The following MAPKAP1 variants were observed in gnomAD, a reference collection of about 807,000 sequenced individuals.
The protein encoded by MAPKAP1 is MAPK associated protein 1.
MAPKAP1 carries 20 observed loss-of-function variants against 65.7 expected under a neutral mutation model. That is an observed-to-expected ratio of 0.30 (90% CI 0.21 to 0.44). MAPKAP1 has a LOEUF of 0.44. Among genes scored for constraint, MAPKAP1 ranks in the 20% least tolerant of loss-of-function variants. The pLI is 1.00. For synonymous variants in MAPKAP1, 222 were observed against 244.3 expected, an observed-to-expected ratio of 0.91 and a Z score of 0.85; for missense variants, 423 against 648.0, an observed-to-expected ratio of 0.65 and a Z score of 3.77.
intron 7 of MAPKAP1, among the ~76,000 whole-genome samples, chr9:125,515,165 T>C (rs1829424389): frequency 1.3e-5 from 2 of 152,100 alleles, no homozygotes; most frequent in Non-Finnish European, 2.9e-5. Flanking sequence ...AATACACCAT[T>C]TGCTCTCTGT....
intron 7 of MAPKAP1, among the ~76,000 whole-genome samples, chr9:125,528,107 A>G (rs1589259893): frequency 6.6e-6 from 1 of 152,194 alleles, no homozygotes; most frequent in South Asian, 2.1e-4. Context: ...CTACCTCTCC[A>G]AAAGGAGCTT....
At chr9:125,584,463 G>A (rs1831719112) in intron 5 of MAPKAP1, among the ~76,000 whole-genome samples, 2 of 152,106 alleles carry the variant, frequency 1.3e-5, no homozygotes, top group South Asian at 4.1e-4. Context: ...CTTTTGAGAT[G>A]GAGTCTTGCT....
intron 11 of MAPKAP1, among the ~76,000 whole-genome samples, chr9:125,443,672 G>A (rs1198939001): frequency 6.6e-6 from 1 of 151,336 alleles, no homozygotes; most frequent in African/African-American, 2.4e-5. Flanking sequence ...GGCCCTGCAC[G>A]GCCTAGCCCC....
At chr9:125,569,902 C>A (rs908338126) in intron 5 of MAPKAP1, among the ~76,000 whole-genome samples, 1 of 152,088 alleles carries the variant, frequency 6.6e-6, no homozygotes, top group Non-Finnish European at 1.5e-5. Context: ...AACTGTAATG[C>A]CTTTTGGTTC....
chr9:125,704,856 C>G (rs1375223508), intron 1 of MAPKAP1, among the ~76,000 whole-genome samples: 1 of 152,138 alleles, frequency 6.6e-6, no homozygotes, highest in Non-Finnish European at 1.5e-5. Context: ...GCCCTTTATC[C>G]CCATTAGTTC....
chr9:125,679,606 A>G (rs1834761582), intron 1 of MAPKAP1, among the ~76,000 whole-genome samples: 1 of 152,186 alleles, frequency 6.6e-6, no homozygotes, highest in Non-Finnish European at 1.5e-5. Flanking sequence ...ACGTCTAAGG[A>G]ATATTTTTTA....
At chr9:125,445,995 GTGTC>G (rs1349005410) in intron 10 of MAPKAP1, among the ~76,000 whole-genome samples, 1 of 152,118 alleles carries the variant, frequency 6.6e-6, no homozygotes, top group Non-Finnish European at 1.5e-5. Flanking sequence ...ACAGACCTTA[GTGTC>G]TGTAAGATTA....
intron 6 of MAPKAP1, 138 bp downstream of exon 6, chr9:125,559,495 C>A: frequency 1.3e-6 from 1 of 746,546 alleles, no homozygotes. Context: ...CTCAGCATCT[C>A]TCTGGGAGTC....
chr9:125,507,335 A>T (rs987758572), intron 7 of MAPKAP1, among the ~76,000 whole-genome samples: 2 of 152,262 alleles, frequency 1.3e-5, no homozygotes, highest in African/African-American at 4.8e-5. Flanking sequence ...TTAGAGGCAT[A>T]AGAAACTGTC....
chr9:125,510,694 G>C (rs2133093259), intron 7 of MAPKAP1, among the ~76,000 whole-genome samples: 1 of 152,310 alleles, frequency 6.6e-6, no homozygotes, highest in Non-Finnish European at 1.5e-5. Context: ...GTAACAACCT[G>C]GGGGAAGGCA....
chr9:125,596,316 C>T, intron 4 of MAPKAP1: 2 of 761,054 alleles, frequency 2.6e-6, no homozygotes, highest in East Asian at 4.9e-5. Flanking sequence ...CAACTTTGGT[C>T]ATGGAGGAAA....
intron 4 of MAPKAP1, among the ~76,000 whole-genome samples, chr9:125,652,895 C>T (rs1307872732): frequency 5.9e-5 from 9 of 152,176 alleles, no homozygotes; most frequent in Non-Finnish European, 1.2e-4. Flanking sequence ...TTCTTCTTTA[C>T]GACACTATTC....
chr9:125,605,660 G>C (rs1832420211), intron 4 of MAPKAP1, among the ~76,000 whole-genome samples: 1 of 152,198 alleles, frequency 6.6e-6, no homozygotes, highest in African/African-American at 2.4e-5. Context: ...CTGCCACCCA[G>C]AGGCAGAGGT....
intron 8 of MAPKAP1, among the ~76,000 whole-genome samples, chr9:125,502,902 C>T (rs1245420581): frequency 6.6e-6 from 1 of 151,870 alleles, no homozygotes; most frequent in Admixed American, 6.6e-5. Context: ...GATTGGAGAC[C>T]TGTATATTTT....
At position 125,693,604 on chromosome 9, in the gene MAPKAP1, TACACATATATAC is replaced by T. The variant is rs1477974331; in HGVS notation, c.-70+13355_-70+13366del. Among the ~76,000 whole-genome samples the T allele has an allele frequency of 7.9e-4, 116 of 147,280 alleles. 2 individuals are homozygous for T. Among genetic ancestry groups the T allele is most frequent in the Admixed American group, 2.4e-3 (36 of 14,752 alleles). ...ATATATACACGTATACACACACACA[TACACATATATAC>T]ACACATATATACACATATACACACA... On this transcript the variant is annotated intron_variant, in intron 1 of 11. Transcript: ENST00000265960.
chr9:125,534,139 C>T lies in MAPKAP1; in HGVS notation c.958+8920G>A, dbSNP rs539194330. ...GTATACTATTTGACAGGTACCTTGA[C>T]AGATGTTGAATATGTAAGTGATTTT... On this transcript the variant is annotated intron_variant, in intron 7 of 11. Transcript: ENST00000265960. Among the ~76,000 whole-genome samples, 4 of 152,162 alleles carry T rather than the reference C, an allele frequency of 2.6e-5. No homozygotes were observed. The South Asian group carries it at 6.2e-4, about 24-fold the overall frequency.
intron 9 of MAPKAP1, among the ~76,000 whole-genome samples, chr9:125,476,680 G>A (rs375302352): frequency 6.6e-6 from 1 of 152,100 alleles, no homozygotes; most frequent in African/African-American, 2.4e-5. Context: ...TGCTGTTACC[G>A]TGTTTCTTAA....
At chr9:125,459,304 A>G (rs7848564) in intron 10 of MAPKAP1, among the ~76,000 whole-genome samples, 98,736 of 147,458 alleles carry the variant, frequency 0.67, 33,159 homozygotes, top group Middle Eastern at 0.71. Flanking sequence ...GATGGCGGCC[A>G]GGCAGAGATG....
chr9:125,693,423 A>AT (rs1276871943), intron 1 of MAPKAP1, among the ~76,000 whole-genome samples: 8 of 135,438 alleles, frequency 5.9e-5, no homozygotes, highest in African/African-American at 2.1e-4. Context: ...TCAAAAAAAA[A>AT]AAAATATATA....
Sources: allele counts gnomAD v4.1 joint callset (sites outside exome capture counted in the v4.1 genomes callset), GRCh38; gene constraint gnomAD v4.1.1; transcripts MANE v1.5; gene names NCBI Gene and HGNC (gene_info 2026-07-23, HGNC 2026-07-21).